SH3D19: variants seen among roughly 807,000 people sequenced by gnomAD.
The protein encoded by SH3D19 is SH3 domain containing 19, also known as SH3 domain-containing protein 19.
A neutral mutation model predicts 112.1 loss-of-function variants in SH3D19; 58 were observed. The observed-to-expected ratio is 0.52, with a 90% CI of 0.42 to 0.64. SH3D19 has a LOEUF of 0.64. Among genes scored for constraint, SH3D19 ranks in the 30% least tolerant of loss-of-function variants. The pLI is 0.00. For synonymous variants in SH3D19, 391 were observed against 448.5 expected, an observed-to-expected ratio of 0.87 and a Z score of 1.62; for missense variants, 1,090 against 1,263.4, an observed-to-expected ratio of 0.86 and a Z score of 2.08.
chr4:151,176,667 T>C lies in SH3D19; in HGVS notation c.396A>G (p.Gln132=). 1 of 1,232,124 alleles carries C rather than the reference T, an allele frequency of 8.1e-7. No individual in the cohort carries two copies. Among genetic ancestry groups the C allele is most frequent in the South Asian group, 4.1e-5 (1 of 24,326 alleles). 76.3% of individuals were successfully genotyped at this position (1,232,124 alleles called of 1,614,324 possible). A position where few individuals can be genotyped will look rare whatever the true frequency, so the allele number is the denominator to read the frequency against. The change falls in exon 6 of 20, where the codon CAA becomes CAG. Residue 132 remains glutamine, a synonymous_variant. Coordinates refer to ENST00000604030, the MANE Select transcript of SH3D19 (RefSeq NM_001378122.1). ...VPAELPPSYE[Q]VIKEINQVQV... ...GAACTTGGTTGATTTCTTTTATAAC[T>C]TGTTCATAAGATGGTGGGAGCTGAA... is the stretch of plus-strand genomic sequence containing the variant.
At chr4:151,323,886 T>G (rs993069709) in intron 1 of SH3D19, among the ~76,000 whole-genome samples, 3 of 152,240 alleles carry the variant, frequency 2.0e-5, no homozygotes, top group African/African-American at 7.2e-5. Flanking sequence ...TGAAGCTTTC[T>G]GCTGAAGGTA....
intron 1 of SH3D19, chr4:151,279,660 A>G (rs370707357): frequency 6.7e-6 from 5 of 743,988 alleles, no homozygotes; most frequent in African/African-American, 5.3e-5. Context: ...GTGTGGAACC[A>G]GAATAGGATG....
chr4:151,200,952 A>C (rs1304533457), intron 2 of SH3D19, among the ~76,000 whole-genome samples: 2 of 152,264 alleles, frequency 1.3e-5, no homozygotes, highest in Non-Finnish European at 2.9e-5. Context: ...GCTCACATTT[A>C]TCAGCATACC....
chr4:151,141,019 A>T (rs534795574), intron 12 of SH3D19: 12 of 152,362 alleles, frequency 7.9e-5, no homozygotes, highest in Admixed American at 5.2e-4. Context: ...TTACTATATT[A>T]GCTTACTAAG....
In SH3D19 at chr4:151,143,966, G is replaced by C. The variant is rs1753464182; in HGVS notation, c.2167C>G (p.Leu723Val). 6.2e-7 allele frequency: 1 copy of C among 1,613,964 alleles called. No homozygotes were observed. Among genetic ancestry groups the C allele is most frequent in the African/African-American group, 1.3e-5 (1 of 74,910 alleles). Residue 723 changes from leucine (L) to valine (V), a missense_variant, in exon 12 of 20, where the codon CTG becomes GTG. Leu to Val is a conservative substitution (Grantham distance 32). Transcript: ENST00000604030. ...GGAGTGATAATCTTCATTTGAGACA[G>C]GTGAACTCTGCCAGTGTCTTCTCCC... is the stretch of plus-strand genomic sequence containing the variant. ...QKGEDTGRVHLSQMKIITPLD... is the reference protein window; with the variant it reads ...QKGEDTGRVHVSQMKIITPLD...
At chr4:151,238,324 T>C (rs1770288220) in intron 1 of SH3D19, among the ~76,000 whole-genome samples, 1 of 152,230 alleles carries the variant, frequency 6.6e-6, no homozygotes, top group Non-Finnish European at 1.5e-5. Context: ...CAGGATAGTA[T>C]GGAATTCTTA....
intron 7 of SH3D19, among the ~76,000 whole-genome samples, chr4:151,173,642 T>C (rs1759438626): frequency 6.6e-6 from 1 of 152,250 alleles, no homozygotes; most frequent in Admixed American, 6.5e-5. Context: ...GTCTTTTAGT[T>C]TATACGCTAA....
chr4:151,303,342 T>C (rs1219192664), intron 1 of SH3D19, among the ~76,000 whole-genome samples: 1 of 152,356 alleles, frequency 6.6e-6, no homozygotes, highest in East Asian at 1.9e-4. Context: ...GAATAGATTA[T>C]CAATCATTTC....
intron 8 of SH3D19, among the ~76,000 whole-genome samples, chr4:151,165,269 G>A (rs1757808039): frequency 1.3e-5 from 2 of 152,114 alleles, no homozygotes; most frequent in Non-Finnish European, 1.5e-5. Context: ...TTGAATCCGG[G>A]AGGCAGAGGG....
At chr4:151,308,604 C>T (rs1729144252) in intron 1 of SH3D19, among the ~76,000 whole-genome samples, 1 of 152,194 alleles carries the variant, frequency 6.6e-6, no homozygotes, top group African/African-American at 2.4e-5. Context: ...AAAAGGCCAT[C>T]CTGTGCAGAA....
At chr4:151,198,383 A>C (rs3063896) in intron 2 of SH3D19, among the ~76,000 whole-genome samples, 1 of 140,500 alleles carries the variant, frequency 7.1e-6, no homozygotes, top group African/African-American at 2.6e-5. Flanking sequence ...AAAATTATAT[A>C]ATATATAATA....
chr4:151,151,980 C>T (rs1755143084), intron 9 of SH3D19, among the ~76,000 whole-genome samples: 1 of 152,008 alleles, frequency 6.6e-6, no homozygotes, highest in Non-Finnish European at 1.5e-5. Context: ...AATTTTGTAC[C>T]AAATATTAGC....
At chr4:151,269,030 T>C (rs906257607) in intron 1 of SH3D19, among the ~76,000 whole-genome samples, 2 of 152,230 alleles carry the variant, frequency 1.3e-5, no homozygotes, top group Admixed American at 6.5e-5. Flanking sequence ...ACTTCCACAA[T>C]GGTTGAACTA....
In SH3D19 at chr4:151,274,658, C is replaced by T. The variant is rs59736477; in HGVS notation, c.113-48572G>A. ...ATGAATCCAGAGCTCCTTTCCAGCT[C>T]TGGTCTTCAGGGTTGTCCTATGGCA... On this transcript the variant is annotated intron_variant, in intron 1 of 19. Transcript: ENST00000604030. 2.7e-3 allele frequency among the ~76,000 whole-genome samples: 415 copies of T among 152,318 alleles called. 8 individuals carry two copies. The highest frequency in any genetic ancestry group is 0.02 in the East Asian group (102 of 5,182).
At chr4:151,281,695 ATTTT>A (rs760516311) in intron 1 of SH3D19, among the ~76,000 whole-genome samples, 21 of 141,100 alleles carry the variant, frequency 1.5e-4, no homozygotes, top group Admixed American at 3.6e-4. Flanking sequence ...TTATTTATTT[ATTTT>A]GTACATCTTA....
chr4:151,159,182 T>C (rs916254384), intron 9 of SH3D19, 58 bp downstream of exon 9: 3 of 982,648 alleles, frequency 3.1e-6, no homozygotes, highest in East Asian at 5.6e-5. Context: ...TAGCTGACTA[T>C]TCAAAATTAA....
At chr4:151,286,772 G>C (rs963382958) in intron 1 of SH3D19, among the ~76,000 whole-genome samples, 2 of 151,686 alleles carry the variant, frequency 1.3e-5, no homozygotes, top group African/African-American at 2.4e-5. Context: ...TTGAGGCCAG[G>C]AGTTCGAGAC....
intron 14 of SH3D19, among the ~76,000 whole-genome samples, chr4:151,136,026 C>CAAAACA (rs1751770834): frequency 6.6e-6 from 1 of 151,592 alleles, no homozygotes; most frequent in African/African-American, 2.4e-5. Flanking sequence ...CAAAACAAAA[C>CAAAACA]AAAACAAAAA....
At chr4:151,267,166 A>T (rs1408288399) in intron 1 of SH3D19, among the ~76,000 whole-genome samples, 11 of 88,560 alleles carry the variant, frequency 1.2e-4, no homozygotes, top group African/African-American at 3.1e-4. Flanking sequence ...CTAAAAAAAA[A>T]AAAAAATAAA....
Sources: gnomAD v4.1 joint callset for allele counts (sites outside exome capture counted in the v4.1 genomes callset) on GRCh38, gnomAD v4.1.1 for gene constraint, MANE v1.5 for transcripts, NCBI Gene and HGNC (gene_info 2026-07-23, HGNC 2026-07-21) for gene names.